The following GALNTL6 variants were observed in gnomAD, a reference collection of about 807,000 sequenced individuals.
GALNTL6 encodes the protein polypeptide N-acetylgalactosaminyltransferase like 6, also known as polypeptide N-acetylgalactosaminyltransferase-like 6.
In GALNTL6, 46 loss-of-function variants were observed where a neutral mutation model predicts 73.7. The observed-to-expected ratio is 0.62, with a 90% CI of 0.49 to 0.80. The LOEUF (loss-of-function observed/expected upper bound fraction) is 0.80. Among genes scored for constraint, GALNTL6 ranks in the 30% least tolerant of loss-of-function variants. The probability of loss-of-function intolerance (pLI) is 0.00; values close to 1 mark genes in which losing one functional copy is unlikely to be tolerated. For missense variants in GALNTL6, 604 were observed against 755.0 expected (o/e 0.80, Z 2.34); for synonymous variants, 259 against 263.7 (o/e 0.98, Z 0.17).
At chr4:172,135,094 C>T (rs1733602360) in intron 2 of GALNTL6, among the ~76,000 whole-genome samples, 1 of 152,108 alleles carries the variant, frequency 6.6e-6, no homozygotes, top group Non-Finnish European at 1.5e-5. Flanking sequence ...TAGCAGTCAT[C>T]TAAGTGCCAG....
At chr4:172,842,448 A>G (rs1033056462) in intron 7 of GALNTL6, among the ~76,000 whole-genome samples, 3 of 152,174 alleles carry the variant, frequency 2.0e-5, no homozygotes, top group African/African-American at 7.2e-5. Flanking sequence ...TTCTGCTCAA[A>G]TAAAGAGGCA....
intron 8 of GALNTL6, among the ~76,000 whole-genome samples, chr4:172,930,319 T>A (rs1579668814): frequency 6.6e-6 from 1 of 152,082 alleles, no homozygotes; most frequent in East Asian, 1.9e-4. Flanking sequence ...TTATTTTCTG[T>A]ACCTAAGAAA....
At chr4:172,291,468 T>A (rs1019031896) in intron 3 of GALNTL6, among the ~76,000 whole-genome samples, 5 of 152,162 alleles carry the variant, frequency 3.3e-5, no homozygotes, top group Admixed American at 2.0e-4. Context: ...ATTCTTCACA[T>A]TATAATTGTT....
At chr4:172,772,576 T>C (rs576948625) in intron 5 of GALNTL6, among the ~76,000 whole-genome samples, 1 of 109,228 alleles carries the variant, frequency 9.2e-6, no homozygotes, top group African/African-American at 2.8e-5. Flanking sequence ...TCTTACAGTT[T>C]CATTGGTCTG....
At chr4:172,301,804 A>C (rs369113143) in intron 3 of GALNTL6, among the ~76,000 whole-genome samples, 5 of 152,144 alleles carry the variant, frequency 3.3e-5, no homozygotes, top group African/African-American at 1.2e-4. Context: ...CAGTTAGGCT[A>C]TTCAGGGTTC....
intron 2 of GALNTL6, among the ~76,000 whole-genome samples, chr4:171,879,345 G>A (rs1189814521): frequency 6.6e-6 from 1 of 152,040 alleles, no homozygotes; most frequent in Non-Finnish European, 1.5e-5. Flanking sequence ...ATAGAAGCAG[G>A]TTCTTATCCT....
At chr4:172,154,199 G>A (rs1410580501) in intron 2 of GALNTL6, among the ~76,000 whole-genome samples, 2 of 144,794 alleles carry the variant, frequency 1.4e-5, no homozygotes, top group Admixed American at 7.0e-5. Context: ...ATGAAACCCT[G>A]TAAAGGGAGT....
At chr4:172,785,610 A>T (rs28681326) in intron 5 of GALNTL6, among the ~76,000 whole-genome samples, 6,987 of 152,126 alleles carry the variant, frequency 0.046, 272 homozygotes, top group African/African-American at 0.11. Context: ...ACAAATAAAA[A>T]CGTATGATAT....
chr4:172,409,797 A>AT (rs1744368770), intron 5 of GALNTL6, among the ~76,000 whole-genome samples: 2 of 152,024 alleles, frequency 1.3e-5, no homozygotes, highest in African/African-American at 4.8e-5. Context: ...AGGCATCAAC[A>AT]TCCTTTGTCT....
intron 7 of GALNTL6, among the ~76,000 whole-genome samples, chr4:172,825,106 C>CT (rs1265304371): frequency 1.3e-4 from 10 of 75,638 alleles, no homozygotes; most frequent in Non-Finnish European, 2.4e-4. Flanking sequence ...TTCTTTCTTT[C>CT]TTTCTTTCTT....
chr4:172,825,037 G>A (rs556827965), intron 7 of GALNTL6, among the ~76,000 whole-genome samples: 4 of 147,118 alleles, frequency 2.7e-5, no homozygotes, highest in South Asian at 2.3e-4. Context: ...ATGCTAAATC[G>A]GTGGGACAAT....
At chr4:172,394,917 T>A (rs1743796257) in intron 5 of GALNTL6, among the ~76,000 whole-genome samples, 1 of 152,218 alleles carries the variant, frequency 6.6e-6, no homozygotes. Context: ...ATTGCAGCAA[T>A]TACTATCATT....
intron 11 of GALNTL6, among the ~76,000 whole-genome samples, chr4:173,009,595 G>A (rs1752455148): frequency 6.6e-6 from 1 of 152,190 alleles, no homozygotes; most frequent in African/African-American, 2.4e-5. Flanking sequence ...TTCCCAGAAT[G>A]GTAGTTTAAC....
intron 5 of GALNTL6, among the ~76,000 whole-genome samples, chr4:172,672,276 TTTTG>T: frequency 6.6e-6 from 1 of 152,250 alleles, no homozygotes; most frequent in East Asian, 1.9e-4. Context: ...ATCATGTGGT[TTTTG>T]TTTTAGTTCT....
At chr4:172,584,530 G>A (rs535259401) in intron 5 of GALNTL6, among the ~76,000 whole-genome samples, 3 of 152,286 alleles carry the variant, frequency 2.0e-5, no homozygotes, top group African/African-American at 7.2e-5. Context: ...TTGAAGAGAA[G>A]GGGATAGATA....
chr4:172,629,129 T>C (rs1045304810), intron 5 of GALNTL6, among the ~76,000 whole-genome samples: 2 of 152,168 alleles, frequency 1.3e-5, no homozygotes, highest in Non-Finnish European at 2.9e-5. Flanking sequence ...TTTGTCTATC[T>C]GTGTCTTGTG....
chr4:172,386,534 T>G (rs956710481), intron 5 of GALNTL6, among the ~76,000 whole-genome samples: 2 of 152,064 alleles, frequency 1.3e-5, no homozygotes. Context: ...AGGGATTTAT[T>G]AGGGCAATTC....
At chr4:171,860,236 A>G (rs1735798472) in intron 2 of GALNTL6, among the ~76,000 whole-genome samples, 1 of 152,234 alleles carries the variant, frequency 6.6e-6, no homozygotes, top group Non-Finnish European at 1.5e-5. Context: ...GATGAGGAAC[A>G]TAAAATCAGA....
At chr4:172,970,143 T>A (rs1231277680) in intron 10 of GALNTL6, among the ~76,000 whole-genome samples, 1 of 152,106 alleles carries the variant, frequency 6.6e-6, no homozygotes, top group African/African-American at 2.4e-5. Flanking sequence ...CACATGCTTC[T>A]AAGGCCGATA....
Sources: allele counts gnomAD v4.1 joint callset (sites outside exome capture counted in the v4.1 genomes callset), GRCh38; gene constraint gnomAD v4.1.1; transcripts MANE v1.5; gene names NCBI Gene and HGNC (gene_info 2026-07-23, HGNC 2026-07-21).